PSD3: variants seen among roughly 807,000 people sequenced by gnomAD.
PSD3 encodes pleckstrin and Sec7 domain containing 3, also known as PH and SEC7 domain-containing protein 3.
PSD3 carries 49 observed loss-of-function variants against 105.5 expected under a neutral mutation model. The ratio of observed to expected loss-of-function variants is 0.46; its 90% CI spans 0.37 to 0.59. The LOEUF is 0.59. PSD3 is among the 20% of genes least tolerant of loss of function. PSD3 has a pLI of 0.00. For synonymous variants in PSD3, 557 were observed against 457.8 expected (o/e 1.22, Z -2.77); for missense variants, 1,561 against 1,263.8 (o/e 1.24, Z -3.57).
intron 4 of PSD3, among the ~76,000 whole-genome samples, chr8:18,857,852 T>C (rs1361746113): frequency 1.3e-5 from 2 of 152,170 alleles, no homozygotes; most frequent in African/African-American, 4.8e-5. Context: ...TTTTTAAGGC[T>C]TTCCTTTTGT....
chr8:18,658,810 T>TA (rs33934332), intron 9 of PSD3, among the ~76,000 whole-genome samples: 31,289 of 151,742 alleles, frequency 0.21, 5,006 homozygotes, highest in African/African-American at 0.44. Context: ...AGTCAGATCA[T>TA]AAAAAGTATG....
chr8:18,899,448 G>A (rs565956971), intron 2 of PSD3, among the ~76,000 whole-genome samples: 3 of 152,198 alleles, frequency 2.0e-5, no homozygotes, highest in Non-Finnish European at 4.4e-5. Context: ...AATCTTCAAC[G>A]ATGCAATCTT....
chr8:18,946,845 C>T (rs1822889030), intron 1 of PSD3, among the ~76,000 whole-genome samples: 1 of 147,062 alleles, frequency 6.8e-6, no homozygotes, highest in Admixed American at 6.8e-5. Context: ...ACGAAGGTTG[C>T]AGTGAGCTGA....
At chr8:18,684,588 C>T (rs1585613065) in intron 9 of PSD3, among the ~76,000 whole-genome samples, 1 of 152,304 alleles carries the variant, frequency 6.6e-6, no homozygotes, top group East Asian at 1.9e-4. Flanking sequence ...CACTGTTTGA[C>T]AGCAATTCAA....
At chr8:18,782,619 G>A (rs1563261428) in intron 8 of PSD3, among the ~76,000 whole-genome samples, 2 of 152,190 alleles carry the variant, frequency 1.3e-5, no homozygotes, top group African/African-American at 2.4e-5. Context: ...GGTAAAAGCA[G>A]GTCAGGAGGA....
chr8:18,832,605 T>C (rs1813767008), intron 4 of PSD3, among the ~76,000 whole-genome samples: 1 of 152,236 alleles, frequency 6.6e-6, no homozygotes, highest in Non-Finnish European at 1.5e-5. Flanking sequence ...GTGTCAGACA[T>C]AATGGTCAAC....
chr8:18,586,788 G>A (rs887433921), intron 12 of PSD3, among the ~76,000 whole-genome samples: 19 of 152,186 alleles, frequency 1.2e-4, no homozygotes, highest in East Asian at 9.6e-4. Context: ...CCGCAAGGGG[G>A]AAAATGGAGG....
chr8:18,912,688 C>T (rs1023026601), intron 2 of PSD3, among the ~76,000 whole-genome samples: 7 of 152,116 alleles, frequency 4.6e-5, no homozygotes, highest in South Asian at 2.1e-4. Flanking sequence ...GCTTCAGTCC[C>T]GACCAGAACC....
At chr8:18,818,657 A>C (rs1812425205) in intron 4 of PSD3, among the ~76,000 whole-genome samples, 2 of 151,666 alleles carry the variant, frequency 1.3e-5, no homozygotes, top group Non-Finnish European at 2.9e-5. Flanking sequence ...GTAGACAACA[A>C]ATTTAGTGAA....
At chr8:18,602,955 G>A (rs1395770343) in intron 11 of PSD3, among the ~76,000 whole-genome samples, 1 of 152,204 alleles carries the variant, frequency 6.6e-6, no homozygotes, top group Non-Finnish European at 1.5e-5. Flanking sequence ...GGTCCGTAAA[G>A]AGTTGTAACT....
At chr8:19,061,531 G>T (rs938510291) in intron 1 of PSD3, among the ~76,000 whole-genome samples, 1 of 151,992 alleles carries the variant, frequency 6.6e-6, no homozygotes, top group Non-Finnish European at 1.5e-5. Flanking sequence ...TTCCCGGCCA[G>T]GTGCGGAGGC....
chr8:18,566,025 G>C (rs1050150550), intron 14 of PSD3, among the ~76,000 whole-genome samples: 140 of 152,238 alleles, frequency 9.2e-4, no homozygotes, highest in African/African-American at 3.2e-3. Flanking sequence ...GCTAGTCTTT[G>C]AGGTACTGGA....
At chr8:18,559,949 G>C (rs1418213065) in intron 14 of PSD3, among the ~76,000 whole-genome samples, 1 of 152,100 alleles carries the variant, frequency 6.6e-6, no homozygotes, top group African/African-American at 2.4e-5. Context: ...GGAACTAACC[G>C]AGGAAGTGCT....
In PSD3 at chr8:18,664,594, G is replaced by A. The variant is rs1371799248; in HGVS notation, c.2173-8909C>T. On this transcript the variant is annotated intron_variant, in intron 9 of 15. Coordinates refer to ENST00000327040, the MANE Select transcript of PSD3 (RefSeq NM_015310.4). ...TGCAACCGGTGATGGAGAAGCTGCA[G>A]CAAGTTATCCAGAAGATCCAGCTAA... is the stretch of plus-strand genomic sequence containing the variant. Among the ~76,000 whole-genome samples, 4 of 152,340 alleles carry A rather than the reference G, an allele frequency of 2.6e-5. No individual in the cohort carries two copies. In the East Asian group the frequency reaches 7.7e-4, roughly 29 times the overall value.
chr8:18,587,940 G>A (rs1178628714), intron 12 of PSD3, among the ~76,000 whole-genome samples: 2 of 152,108 alleles, frequency 1.3e-5, no homozygotes, highest in Non-Finnish European at 2.9e-5. Context: ...TGGTAGATTA[G>A]GCTTCCAACC....
chr8:18,693,127 G>T (rs566959432), intron 9 of PSD3, among the ~76,000 whole-genome samples: 1 of 152,096 alleles, frequency 6.6e-6, no homozygotes, highest in Non-Finnish European at 1.5e-5. Flanking sequence ...GAGAAGACAG[G>T]GCTATTTCAA....
In PSD3 at chr8:18,556,369, T is replaced by G; in HGVS notation, c.2785-17A>C. The stretch of plus-strand genomic sequence containing the variant: ...TTGCTCCTCCTGCAGGAAATCATGA[T>G]GCCATTTAGCGTTCAAAAAAAAAAC... On this transcript the variant is annotated splice_polypyrimidine_tract_variant and intron_variant, in intron 14 of 15. Transcript: ENST00000327040. The G allele has an allele frequency of 6.2e-7, 1 of 1,603,230 alleles. No individual in the cohort carries two copies. The highest frequency in any genetic ancestry group is 8.5e-7 in the Non-Finnish European group (1 of 1,176,974).
chr8:18,659,296 T>C (rs144573340), intron 9 of PSD3, among the ~76,000 whole-genome samples: 5 of 152,346 alleles, frequency 3.3e-5, no homozygotes, highest in African/African-American at 1.2e-4. Context: ...AGGGTCTTCA[T>C]TCATGAGCCT....
intron 8 of PSD3, chr8:18,799,075 A>C (rs1810446470): frequency 2.0e-6 from 1 of 494,868 alleles, no homozygotes; most frequent in Admixed American, 3.4e-5. Context: ...TACTGCTAAA[A>C]CAACTCCAGA....
Sources: allele counts gnomAD v4.1 joint callset (sites outside exome capture counted in the v4.1 genomes callset), GRCh38; gene constraint gnomAD v4.1.1; transcripts MANE v1.5; gene names NCBI Gene and HGNC (gene_info 2026-07-23, HGNC 2026-07-21).